Variants in FER1L6 observed in about 807,000 individuals in gnomAD.
FER1L6 encodes fer-1 like family member 6, also known as fer-1-like protein 6.
Under a neutral mutation model 219.2 loss-of-function variants are expected in FER1L6, and 177 were observed. The ratio of observed to expected loss-of-function variants is 0.81; its 90% CI spans 0.71 to 0.91. The LOEUF is 0.91. FER1L6 is among the 40% of genes least tolerant of loss of function. FER1L6 has a pLI of 0.00. For missense variants in FER1L6, 2,153 were observed against 2,259.9 expected, an observed-to-expected ratio of 0.95 and a Z score of 0.96; for synonymous variants, 768 against 824.3, an observed-to-expected ratio of 0.93 and a Z score of 1.17.
rs535471573 is a variant in FER1L6 at position 123,977,420 on chromosome 8, C to T, written c.874C>T (p.Arg292Ter). 1.6e-5 allele frequency: 25 copies of T among 1,611,676 alleles called. No homozygotes were observed. The highest frequency in any genetic ancestry group is 1.7e-4 in the Middle Eastern group (1 of 5,796). ...VEVSFAGQMGRTTVQKNCADP... is the reference protein window; with the variant it reads ...VEVSFAGQMG ...GTCCTCCTGGCTGTGTTTTTAGGGG[C>T]GAACCACAGTGCAGAAGAACTGTGC... is the stretch of plus-strand genomic sequence containing the variant. The change falls in exon 10 of 41, where the codon CGA (arginine) becomes TGA (stop). Residue 292 changes from arginine to a stop codon, truncating the protein, a stop_gained. Transcript: ENST00000522917. LOFTEE classifies it high-confidence loss of function.
At position 124,069,346 on chromosome 8, in the gene FER1L6, C is replaced by T. The variant is rs767506799; in HGVS notation, c.3719-14C>T. The T allele has an allele frequency of 6.3e-7, 1 of 1,588,634 alleles. No individual in the cohort carries two copies. The highest frequency in any genetic ancestry group is 8.6e-7 in the Non-Finnish European group (1 of 1,159,026). ...ACCGCCATGAGAAACCTAATTTCTG[C>T]TGAATATCCACAGAGGCAAAGCCAG... On this transcript the variant is annotated splice_polypyrimidine_tract_variant and intron_variant, in intron 28 of 40. Transcript: ENST00000522917.
chr8:123,958,340 T>G (rs1349770251), intron 2 of FER1L6, among the ~76,000 whole-genome samples: 2 of 152,164 alleles, frequency 1.3e-5, no homozygotes, highest in Non-Finnish European at 2.9e-5. Context: ...ACCCTCTGCC[T>G]TTGGGCTGGC....
chr8:123,945,287 T>C lies in FER1L6; in HGVS notation c.-7-10705T>C, dbSNP rs368754557. ...CCTGGAGAAGTTGACAGGACTGAAC[T>C]CCTCCTCCTGTTCAAGAGGCTCCAA... On this transcript the variant is annotated intron_variant, in intron 1 of 40. Transcript: ENST00000522917. 4.6e-5 allele frequency among the ~76,000 whole-genome samples: 7 copies of C among 152,296 alleles called. No individual in the cohort carries two copies. The East Asian group carries it at 7.7e-4, about 17-fold the overall frequency.
intron 34 of FER1L6, 125 bp downstream of exon 34, chr8:124,091,708 T>C: frequency 9.9e-7 from 1 of 1,011,608 alleles, no homozygotes; most frequent in Non-Finnish European, 1.5e-6. Context: ...GGCTCACGTC[T>C]GTAATCCCAG....
At chr8:123,898,953 C>T (rs553363872) in intron 1 of FER1L6, among the ~76,000 whole-genome samples, 311 of 151,280 alleles carry the variant, frequency 2.1e-3, no homozygotes, top group Middle Eastern at 3.4e-3. Flanking sequence ...GTGAATTGTG[C>T]TGCTATAAAC....
At chr8:123,946,665 A>G (rs1286232367) in intron 1 of FER1L6, among the ~76,000 whole-genome samples, 1 of 152,192 alleles carries the variant, frequency 6.6e-6, no homozygotes, top group Non-Finnish European at 1.5e-5. Flanking sequence ...CTCAGGTACG[A>G]GAGGAGGAGT....
chr8:123,886,734 A>C (rs761668753), intron 1 of FER1L6, among the ~76,000 whole-genome samples: 3 of 152,168 alleles, frequency 2.0e-5, no homozygotes, highest in Admixed American at 6.6e-5. Context: ...GATAATTTGT[A>C]TGGTCACTCC....
At chr8:123,881,719 G>A (rs1488087513) in intron 1 of FER1L6, among the ~76,000 whole-genome samples, 3 of 152,178 alleles carry the variant, frequency 2.0e-5, no homozygotes, top group African/African-American at 4.8e-5. Context: ...GGTCCCTGAG[G>A]AGCTGAGTCG....
At chr8:123,878,273 T>C (rs1445233042) in intron 1 of FER1L6, among the ~76,000 whole-genome samples, 1 of 152,184 alleles carries the variant, frequency 6.6e-6, no homozygotes, top group Non-Finnish European at 1.5e-5. Flanking sequence ...ATTGGAGACA[T>C]TTTTGCTCCC....
Position 123,880,024 on chromosome 8 carries a change from T to A in FER1L6, c.-8+27839T>A, listed in dbSNP as rs117836023. ...AAGGATTGGAGGTAATTTAAGAGAATTACAACACAGCTTTAGATCATATCA... is the reference window on the plus strand; with the variant it reads ...AAGGATTGGAGGTAATTTAAGAGAAATACAACACAGCTTTAGATCATATCA... On this transcript the variant is annotated intron_variant, in intron 1 of 40. Coordinates refer to ENST00000522917, the MANE Select transcript of FER1L6 (RefSeq NM_001039112.2). 5.4e-3 allele frequency among the ~76,000 whole-genome samples: 829 copies of A among 152,226 alleles called. 3 individuals carry two copies. The highest frequency in any genetic ancestry group is 9.0e-3 in the Non-Finnish European group (609 of 68,022).
chr8:123,977,215 G>C (rs1471420185), intron 9 of FER1L6, among the ~76,000 whole-genome samples: 1 of 152,242 alleles, frequency 6.6e-6, no homozygotes, highest in African/African-American at 2.4e-5. Flanking sequence ...GCTGTGATGT[G>C]ACTTTGTCTC....
At chr8:123,931,598 T>C (rs912741379) in intron 1 of FER1L6, among the ~76,000 whole-genome samples, 4 of 152,260 alleles carry the variant, frequency 2.6e-5, no homozygotes, top group African/African-American at 9.6e-5. Flanking sequence ...TGTTAGTAAC[T>C]GAACTGCAAA....
chr8:123,933,113 C>T lies in FER1L6; in HGVS notation c.-7-22879C>T, dbSNP rs1260112744. On this transcript the variant is annotated intron_variant, in intron 1 of 40. Coordinates refer to ENST00000522917, the MANE Select transcript of FER1L6 (RefSeq NM_001039112.2). ...TTTTCTGAGGAAGAGGAGCATCTTT[C>T]AGCAAATGGTGTAGGTCTGGCTGTT... Among the ~76,000 whole-genome samples, 3 of 152,200 alleles carry T rather than the reference C, an allele frequency of 2.0e-5. No individual in the cohort carries two copies. In the East Asian group the frequency reaches 5.8e-4, roughly 29 times the overall value.
intron 12 of FER1L6, among the ~76,000 whole-genome samples, chr8:124,001,853 A>C (rs1817423709): frequency 6.6e-6 from 1 of 152,214 alleles, no homozygotes; most frequent in Admixed American, 6.5e-5. Context: ...ATTTGAAAAC[A>C]AGATGGTAGA....
chr8:124,037,957 T>C (rs1819292771), intron 19 of FER1L6, among the ~76,000 whole-genome samples: 1 of 152,180 alleles, frequency 6.6e-6, no homozygotes, highest in South Asian at 2.1e-4. Context: ...TTCTTCTCCC[T>C]GACACCTCTT....
intron 35 of FER1L6, among the ~76,000 whole-genome samples, chr8:124,096,987 T>C (rs193255512): frequency 5.0e-4 from 76 of 152,122 alleles, no homozygotes; most frequent in African/African-American, 1.8e-3. Flanking sequence ...AGTGTATAGA[T>C]AGCATTATGT....
chr8:123,901,124 T>A (rs1586450428), intron 1 of FER1L6, among the ~76,000 whole-genome samples: 1 of 152,204 alleles, frequency 6.6e-6, no homozygotes, highest in South Asian at 2.1e-4. Context: ...TGTGAATCCA[T>A]CTGGTCCGGG....
At chr8:123,876,190 T>G (rs1176022053) in intron 1 of FER1L6, among the ~76,000 whole-genome samples, 2 of 152,222 alleles carry the variant, frequency 1.3e-5, no homozygotes, top group Middle Eastern at 6.3e-3. Context: ...CTGTCTGCTC[T>G]TTCTTGAATA....
At position 124,060,163 on chromosome 8, in the gene FER1L6, C is replaced by G; in HGVS notation, c.2875-17C>G. On this transcript the variant is annotated splice_polypyrimidine_tract_variant and intron_variant, in intron 22 of 40. Coordinates refer to ENST00000522917, the MANE Select transcript of FER1L6 (RefSeq NM_001039112.2). ...GTGTCTCTCCAGCATCTAACTCATA[C>G]TTGCCTTGTGCGGTAGGTTCCTCCT... 1 of 1,597,620 alleles carries G rather than the reference C, an allele frequency of 6.3e-7. No individual in the cohort carries two copies. The highest frequency in any genetic ancestry group is 8.6e-7 in the Non-Finnish European group (1 of 1,165,086).
Sources: allele counts gnomAD v4.1 joint callset (sites outside exome capture counted in the v4.1 genomes callset), GRCh38; gene constraint gnomAD v4.1.1; transcripts MANE v1.5; gene names NCBI Gene and HGNC (gene_info 2026-07-23, HGNC 2026-07-21).